Variants in ASMT observed in about 807,000 individuals in gnomAD.
ASMT encodes the protein acetylserotonin N-methyltransferase.
Under a neutral mutation model 41.3 loss-of-function variants are expected in ASMT, and 53 were observed. The observed-to-expected ratio is 1.28, with a 90% CI of 1.03 to 1.61. The LOEUF is 1.61. Among genes scored for constraint, ASMT ranks in the 40% most tolerant of loss-of-function variants. The pLI is 0.00. For synonymous variants in ASMT, 231 were observed against 184.8 expected (o/e 1.25, Z -2.03); for missense variants, 531 against 441.3 (o/e 1.20, Z -1.82).
At chrX:1,636,862 A>T (rs1292133175) in intron 8 of ASMT, among the ~76,000 whole-genome samples, 4 of 152,140 alleles carry the variant, frequency 2.6e-5, no homozygotes, top group Admixed American at 6.5e-5. Context: ...TGCCCCACTG[A>T]CTTCTGAGGT....
rs1228172774 is a variant in ASMT, at chrX:1,624,287, A to AGCTGTCCAGCGACTACCTGACC, written c.264_285dup (p.Thr96AlafsTer52). The AGCTGTCCAGCGACTACCTGACC allele has an allele frequency of 1.9e-6, 3 of 1,613,836 alleles. No homozygotes were observed. In the African/African-American group the frequency reaches 4.0e-5, roughly 22 times the overall value. ...GTTTCAGCTTTCTATCGAAACACAG[A>AGCTGTCCAGCGACTACCTGACC]GCTGTCCAGCGACTACCTGACCACG... On this transcript the variant is annotated frameshift_variant, in exon 3 of 9. Coordinates refer to ENST00000381241, the MANE Select transcript of ASMT (RefSeq NM_001171038.2). LOFTEE classifies it high-confidence loss of function.
rs6644635 is a variant in ASMT at position 1,615,101 on chromosome X, T to A, written c.-99T>A. On this transcript the variant is annotated 5_prime_UTR_variant, in exon 1 of 9. Coordinates refer to ENST00000381241, the MANE Select transcript of ASMT (RefSeq NM_001171038.2). ...GCAGCAGGGAGAGTCAGGCAGCAGC[T>A]GTGAGCGGGTGGCTCTTCCCCACCT... is the stretch of plus-strand genomic sequence containing the variant. 10 of 998,184 alleles carry A rather than the reference T, an allele frequency of 1.0e-5. No homozygotes were observed. Among genetic ancestry groups the A allele is most frequent in the Admixed American group, 2.0e-5 (1 of 50,220 alleles). 61.8% of individuals were successfully genotyped at this position (998,184 alleles called of 1,614,324 possible).
intron 2 of ASMT, 93 bp from the exon 3 acceptor site, chrX:1,624,176 G>A (rs1417810886): frequency 6.6e-7 from 1 of 1,508,670 alleles, no homozygotes; most frequent in Non-Finnish European, 9.2e-7. Context: ...TTGTAATCAT[G>A]TTGAAATCAC....
chrX:1,633,708 G>A (rs1390549786), intron 7 of ASMT, among the ~76,000 whole-genome samples: 3 of 148,688 alleles, frequency 2.0e-5, no homozygotes, highest in Admixed American at 6.9e-5. Context: ...GACAGATCTC[G>A]GCTCCCTTCA....
chrX:1,621,788 C>T (rs1242861032), intron 1 of ASMT, among the ~76,000 whole-genome samples: 1 of 151,922 alleles, frequency 6.6e-6, no homozygotes, highest in Admixed American at 6.6e-5. Flanking sequence ...CTCTGCCTCC[C>T]GGGTGCAAGT....
chrX:1,628,012 A>T, intron 4 of ASMT: 1 of 600,132 alleles, frequency 1.7e-6, no homozygotes, highest in Non-Finnish European at 3.0e-6. Flanking sequence ...TCACAAACTC[A>T]GTGTTTATGT....
chrX:1,623,124 C>T lies in ASMT; in HGVS notation c.70-15C>T, dbSNP rs751562076. 3.1e-5 allele frequency: 50 copies of T among 1,611,936 alleles called. No homozygotes were observed. The East Asian group carries it at 4.5e-4, about 14-fold the overall frequency. ...AGGCTGAGCCCTGACCTTTTATTTC[C>T]GCTCCTGCTCCAAGGTTCTCTTCGC... On this transcript the variant is annotated splice_polypyrimidine_tract_variant and intron_variant, in intron 1 of 8. Transcript: ENST00000381241.
intron 5 of ASMT, 67 bp downstream of exon 5, chrX:1,630,006 C>T (rs1934712102): frequency 2.2e-6 from 3 of 1,343,894 alleles, no homozygotes; most frequent in African/African-American, 1.4e-5. Flanking sequence ...ATGTGTTATT[C>T]ATGTCTTTTA....
rs756341613 is a variant in ASMT at position 1,636,148 on chromosome X, A to G, written c.788-290A>G. The G allele has an allele frequency of 6.4e-4, 264 of 414,538 alleles. 2 individuals carry two copies. Among genetic ancestry groups the G allele is most frequent in the East Asian group, 5.4e-3 (96 of 17,868 alleles). 25.7% of individuals were successfully genotyped at this position (414,538 alleles called of 1,614,324 possible). On this transcript the variant is annotated intron_variant, in intron 7 of 8. Transcript: ENST00000381241. ...TTTTTTTTGTATTTTTAGTAGAGAC[A>G]GGGTTTCACCGTGTTAGCCAGGATG...
rs374443136 is a variant in ASMT at position 1,637,144 on chromosome X, C to T, written c.910+584C>T. Among the ~76,000 whole-genome samples the T allele has an allele frequency of 6.1e-3, 394 of 65,082 alleles. 11 individuals carry two copies. Among genetic ancestry groups the T allele is most frequent in the South Asian group, 0.036 (53 of 1,488 alleles). The allele number at this position is 65,082 out of a possible 152,430, so 42.7% of individuals were successfully genotyped here. The stretch of plus-strand genomic sequence containing the variant: ...CACCCATCCTGATGCTTCACGAGGA[C>T]GTGGGCACAGCCTCTGTGTATGATG... On this transcript the variant is annotated intron_variant, in intron 8 of 8. Coordinates refer to ENST00000381241, the MANE Select transcript of ASMT (RefSeq NM_001171038.2).
At chrX:1,630,081 G>T (rs1934715087) in intron 5 of ASMT, 142 bp downstream of exon 5, 1 of 808,662 alleles carries the variant, frequency 1.2e-6, no homozygotes, top group Non-Finnish European at 2.2e-6. Flanking sequence ...ATTCCTCCCA[G>T]CACTGGGCAC....
chrX:1,625,832 T>C (rs1435578278), intron 3 of ASMT, among the ~76,000 whole-genome samples: 1 of 151,166 alleles, frequency 6.6e-6, no homozygotes, highest in African/African-American at 2.4e-5. Context: ...CGGGCGCCTG[T>C]AGTCCCAGCT....
chrX:1,635,636 C>A (rs372832131), intron 7 of ASMT, among the ~76,000 whole-genome samples: 23 of 151,956 alleles, frequency 1.5e-4, no homozygotes, highest in African/African-American at 5.5e-4. Flanking sequence ...CCGAGGCGGG[C>A]GGATCACCTC....
rs547923007 is a variant in ASMT at position 1,616,915 on chromosome X, A to C, written c.69+1647A>C. ...AGTAGAGACGGGGTTTCACCGTGTT[A>C]GCCAGGATGGTCTCGATCTCCTGAC... On this transcript the variant is annotated intron_variant, in intron 1 of 8. Transcript: ENST00000381241. Among the ~76,000 whole-genome samples, 263 of 151,694 alleles carry C rather than the reference A, an allele frequency of 1.7e-3. 8 individuals are homozygous for C. In the South Asian group the frequency reaches 0.053, roughly 31 times the overall value.
intron 4 of ASMT, among the ~76,000 whole-genome samples, chrX:1,628,989 G>A (rs1176875045): frequency 2.4e-5 from 3 of 122,684 alleles, no homozygotes; most frequent in Non-Finnish European, 5.0e-5. Flanking sequence ...TCCTTCCTTC[G>A]TTCCTTCCTC....
At chrX:1,636,718 G>C (rs1348484741) in intron 8 of ASMT, 158 bp downstream of exon 8, 3 of 547,890 alleles carry the variant, frequency 5.5e-6, no homozygotes, top group East Asian at 1.4e-4. Context: ...AAATAAATAG[G>C]GTCCTAATTT....
At chrX:1,636,178 T>G (rs1198530382) in intron 7 of ASMT, 16 of 509,080 alleles carry the variant, frequency 3.1e-5, no homozygotes, top group South Asian at 3.0e-4. Flanking sequence ...AGGATGGTCT[T>G]GATCTCCTGA....
At chrX:1,624,744 T>G (rs1395481264) in intron 3 of ASMT, among the ~76,000 whole-genome samples, 11 of 31,426 alleles carry the variant, frequency 3.5e-4, no homozygotes, top group African/African-American at 9.8e-4. Flanking sequence ...TGGGAGGTGG[T>G]GGCTGACCAC....
At position 1,633,290 on chromosome X, in the gene ASMT, G is replaced by GGT. The variant is rs1934845709; in HGVS notation, c.787+5_787+6dup. 1 of 1,613,780 alleles carries GGT rather than the reference G, an allele frequency of 6.2e-7. No homozygotes were observed. Among genetic ancestry groups the GGT allele is most frequent in the South Asian group, 1.1e-5 (1 of 91,076 alleles). On this transcript the variant is annotated frameshift_variant and splice_region_variant. Coordinates refer to ENST00000381241, the MANE Select transcript of ASMT (RefSeq NM_001171038.2). LOFTEE classifies it high-confidence loss of function. ...GGAAGAACAGATTGACTTCCAGGAA[G>GGT]GTGTGTTTGTGTCCGTGGGGAAGCA...
Sources: gnomAD v4.1 joint callset for allele counts (sites outside exome capture counted in the v4.1 genomes callset) on GRCh38, gnomAD v4.1.1 for gene constraint, MANE v1.5 for transcripts, NCBI Gene and HGNC (gene_info 2026-07-23, HGNC 2026-07-21) for gene names.